Variants in KCNMB2 observed in about 807,000 individuals in gnomAD.
KCNMB2 encodes potassium calcium-activated channel subfamily M regulatory beta subunit 2.
KCNMB2 carries 9 observed loss-of-function variants against 24.5 expected under a neutral mutation model. The observed-to-expected ratio is 0.37, with a 90% CI of 0.22 to 0.64. KCNMB2 has a LOEUF of 0.64. Among genes scored for constraint, KCNMB2 ranks in the 30% least tolerant of loss-of-function variants. KCNMB2 has a pLI of 0.63. For synonymous variants in KCNMB2, 109 were observed against 104.4 expected, an observed-to-expected ratio of 1.04 and a Z score of -0.27; for missense variants, 226 against 284.3, an observed-to-expected ratio of 0.79 and a Z score of 1.47.
At chr3:178,753,195 G>T (rs1043637897) in intron 1 of KCNMB2, among the ~76,000 whole-genome samples, 1 of 152,186 alleles carries the variant, frequency 6.6e-6, no homozygotes, top group Non-Finnish European at 1.5e-5. Context: ...TGTAGTAACC[G>T]TAGTAATGAC....
intron 1 of KCNMB2, among the ~76,000 whole-genome samples, chr3:178,584,766 G>A (rs1384956000): frequency 6.6e-6 from 1 of 151,776 alleles, no homozygotes; most frequent in African/African-American, 2.4e-5. Flanking sequence ...TTTGGACTAA[G>A]TAGTCAAATT....
chr3:178,723,563 T>C (rs1024039328), intron 1 of KCNMB2, among the ~76,000 whole-genome samples: 1 of 152,154 alleles, frequency 6.6e-6, no homozygotes, highest in Non-Finnish European at 1.5e-5. Flanking sequence ...ATGCTGAAGT[T>C]GGGGATTCTA....
intron 1 of KCNMB2, among the ~76,000 whole-genome samples, chr3:178,600,760 A>T (rs1718053004): frequency 6.6e-6 from 1 of 152,172 alleles, no homozygotes; most frequent in African/African-American, 2.4e-5. Context: ...TGCAATAAAC[A>T]TGCGTGCATG....
chr3:178,620,990 T>A (rs1718901471), intron 1 of KCNMB2, among the ~76,000 whole-genome samples: 1 of 152,186 alleles, frequency 6.6e-6, no homozygotes, highest in Admixed American at 6.6e-5. Flanking sequence ...CTAAAGAGTT[T>A]GGAATTTATT....
chr3:178,721,437 A>G (rs1418805753), intron 1 of KCNMB2, among the ~76,000 whole-genome samples: 1 of 152,132 alleles, frequency 6.6e-6, no homozygotes, highest in Non-Finnish European at 1.5e-5. Context: ...GTAGTATCCC[A>G]TTGTAGAGCT....
chr3:178,729,929 G>A (rs1723089273), intron 1 of KCNMB2, among the ~76,000 whole-genome samples: 1 of 152,192 alleles, frequency 6.6e-6, no homozygotes, highest in East Asian at 1.9e-4. Flanking sequence ...CATGCCCACT[G>A]CTGGTTGACA....
intron 1 of KCNMB2, among the ~76,000 whole-genome samples, chr3:178,575,790 C>T (rs1716966730): frequency 6.6e-6 from 1 of 152,124 alleles, no homozygotes; most frequent in Non-Finnish European, 1.5e-5. Context: ...AATTACCAAG[C>T]TTGAACTTTA....
intron 1 of KCNMB2, among the ~76,000 whole-genome samples, chr3:178,797,374 A>G (rs1310503117): frequency 6.6e-6 from 1 of 152,184 alleles, no homozygotes; most frequent in Non-Finnish European, 1.5e-5. Flanking sequence ...AACACTTCCA[A>G]ACTCTGTCTA....
chr3:178,781,050 T>A (rs1031965427), intron 1 of KCNMB2, among the ~76,000 whole-genome samples: 9 of 152,220 alleles, frequency 5.9e-5, no homozygotes, highest in Non-Finnish European at 1.3e-4. Flanking sequence ...GTGAAAGTAA[T>A]GTAAATTATA....
At chr3:178,757,393 T>G (rs1353847624) in intron 1 of KCNMB2, among the ~76,000 whole-genome samples, 1 of 68,642 alleles carries the variant, frequency 1.5e-5, no homozygotes, top group African/African-American at 6.9e-5. Context: ...TATATATATA[T>G]GTATATATAT....
At chr3:178,785,832 T>C (rs896225119) in intron 1 of KCNMB2, among the ~76,000 whole-genome samples, 2 of 152,182 alleles carry the variant, frequency 1.3e-5, no homozygotes, top group African/African-American at 4.8e-5. Flanking sequence ...TGTATACATA[T>C]AAATAAACAG....
chr3:178,657,196 G>T (rs143461070), intron 1 of KCNMB2, among the ~76,000 whole-genome samples: 21 of 152,308 alleles, frequency 1.4e-4, no homozygotes, highest in African/African-American at 3.8e-4. Context: ...CTGCTGCTAC[G>T]ATCCCCACAA....
At chr3:178,555,582 G>A (rs996531270) in intron 1 of KCNMB2, among the ~76,000 whole-genome samples, 1 of 152,216 alleles carries the variant, frequency 6.6e-6, no homozygotes, top group African/African-American at 2.4e-5. Context: ...CATGGGCTAT[G>A]TTTACAAAGC....
intron 2 of KCNMB2, among the ~76,000 whole-genome samples, chr3:178,815,451 T>C (rs988724321): frequency 1.3e-5 from 2 of 152,210 alleles, no homozygotes; most frequent in South Asian, 4.1e-4. Flanking sequence ...AATTTATCTA[T>C]AGATTCTTTT....
chr3:178,676,104 T>C (rs76172206), intron 1 of KCNMB2, among the ~76,000 whole-genome samples: 1,897 of 152,164 alleles, frequency 0.012, 29 homozygotes, highest in African/African-American at 0.043. Flanking sequence ...ACGCCTCTAA[T>C]ACTAGGCTGA....
intron 1 of KCNMB2, among the ~76,000 whole-genome samples, chr3:178,637,836 C>T (rs1382045): frequency 0.69 from 105,579 of 152,012 alleles, 37,374 homozygotes; most frequent in African/African-American, 0.85. Context: ...TGGACATGTT[C>T]CTACTTGGGT....
intron 4 of KCNMB2, among the ~76,000 whole-genome samples, chr3:178,833,050 AAAAATTATTTCC>A (rs1252401967): frequency 1.1e-3 from 25 of 23,014 alleles, no homozygotes; most frequent in African/African-American, 2.7e-3. Context: ...CATCTTTTCC[AAAAATTATTTCC>A]ACTTACTTCT....
At chr3:178,614,293 A>ATATATATG (rs1560131728) in intron 1 of KCNMB2, among the ~76,000 whole-genome samples, 20 of 85,936 alleles carry the variant, frequency 2.3e-4, no homozygotes, top group Non-Finnish European at 2.8e-4. Flanking sequence ...ATATATATAT[A>ATATATATG]TATGTATGTA....
At chr3:178,663,640 T>C (rs546810279) in intron 1 of KCNMB2, among the ~76,000 whole-genome samples, 17 of 152,294 alleles carry the variant, frequency 1.1e-4, no homozygotes, top group Middle Eastern at 3.4e-3. Flanking sequence ...ACTAGAAAGA[T>C]TGAACTTTAC....
Sources: allele counts gnomAD v4.1 joint callset (sites outside exome capture counted in the v4.1 genomes callset), GRCh38; gene constraint gnomAD v4.1.1; transcripts MANE v1.5; gene names NCBI Gene and HGNC (gene_info 2026-07-23, HGNC 2026-07-21).